Variants in CALN1 observed in about 807,000 individuals in gnomAD.
CALN1 encodes calneuron 1.
In CALN1, 17 loss-of-function variants were observed where a neutral mutation model predicts 30.6. The observed-to-expected ratio is 0.56, with a 90% CI of 0.38 to 0.83. The LOEUF (loss-of-function observed/expected upper bound fraction) is 0.83, where lower values mean the gene tolerates loss of function less well. Among genes scored for constraint, CALN1 ranks in the 40% least tolerant of loss-of-function variants. CALN1 has a pLI of 0.00. For missense variants in CALN1, 291 were observed against 354.9 expected, an observed-to-expected ratio of 0.82 and a Z score of 1.45; for synonymous variants, 156 against 131.4, an observed-to-expected ratio of 1.19 and a Z score of -1.28.
chr7:72,315,017 G>A (rs927234736), intron 2 of CALN1, among the ~76,000 whole-genome samples: 2 of 151,116 alleles, frequency 1.3e-5, no homozygotes, highest in Non-Finnish European at 2.9e-5. Flanking sequence ...TGGACATGAC[G>A]GCACACACCT....
chr7:72,072,803 C>T (rs778600573), intron 4 of CALN1, among the ~76,000 whole-genome samples: 4 of 152,000 alleles, frequency 2.6e-5, no homozygotes, highest in Admixed American at 6.6e-5. Context: ...TTTTTATATG[C>T]TATTGGAGTT....
chr7:72,263,292 A>G (rs2129552953), intron 3 of CALN1, among the ~76,000 whole-genome samples: 1 of 152,328 alleles, frequency 6.6e-6, no homozygotes, highest in Non-Finnish European at 1.5e-5. Flanking sequence ...TATAAAGTAT[A>G]TATTATTATC....
At chr7:72,413,858 A>G (rs1807335171), upstream of CALN1, among the ~76,000 whole-genome samples, 1 of 139,438 alleles carries the variant, frequency 7.2e-6, no homozygotes, top group Admixed American at 6.9e-5. Flanking sequence ...CACATCACAC[A>G]CACTCGTATA....
At position 71,788,491 on chromosome 7, in the gene CALN1, G is replaced by GTT. The variant is rs1298189911; in HGVS notation, c.659-591_659-590dup. Among the ~76,000 whole-genome samples, 614 of 126,802 alleles carry GTT rather than the reference G, an allele frequency of 4.8e-3. 25 individuals are homozygous for GTT. The East Asian group carries it at 0.1, about 21-fold the overall frequency. The allele number at this position is 126,802 out of a possible 152,430, so 83.2% of individuals were successfully genotyped here. A position where few individuals can be genotyped will look rare whatever the true frequency, so the allele number is the denominator to read the frequency against. ...CATTACTAAGAGGTTTTTTTTTGTT[G>GTT]TTTTTTTTTTTTTTTTTAGAGAAAG... On this transcript the variant is annotated intron_variant, in intron 6 of 6. Coordinates refer to ENST00000395275, the MANE Select transcript of CALN1 (RefSeq NM_031468.4).
chr7:72,343,477 G>A (rs985243905), intron 2 of CALN1, among the ~76,000 whole-genome samples: 3 of 151,976 alleles, frequency 2.0e-5, no homozygotes, highest in Admixed American at 2.0e-4. Flanking sequence ...GAACCCAGGA[G>A]GCAGAGGTTG....
At chr7:72,292,820 C>A (rs370065275) in intron 2 of CALN1, among the ~76,000 whole-genome samples, 63 of 112,802 alleles carry the variant, frequency 5.6e-4, no homozygotes, top group Admixed American at 6.6e-4. Flanking sequence ...TACTCTGTCT[C>A]AAAAAAAAAA....
At position 71,822,374 on chromosome 7, in the gene CALN1, G is replaced by A. The variant is rs140429134; in HGVS notation, c.502-11882C>T. On this transcript the variant is annotated intron_variant, in intron 5 of 6. Transcript: ENST00000395275. ...AGTGATTCTCCAGCCTCAGCCTCCC[G>A]AGTAGCTGGGATTACAGGCGTGTGC... 9.6e-4 allele frequency among the ~76,000 whole-genome samples: 146 copies of A among 152,156 alleles called. No individual in the cohort carries two copies. The Middle Eastern group carries it at 0.01, about 11-fold the overall frequency.
intron 3 of CALN1, among the ~76,000 whole-genome samples, chr7:72,170,084 G>T (rs976771010): frequency 2.0e-5 from 3 of 152,140 alleles, no homozygotes; most frequent in African/African-American, 7.2e-5. Flanking sequence ...CTGCAGCCTG[G>T]AACACCTAGG....
At chr7:72,232,184 G>A (rs896959718) in intron 3 of CALN1, among the ~76,000 whole-genome samples, 1 of 152,202 alleles carries the variant, frequency 6.6e-6, no homozygotes, top group African/African-American at 2.4e-5. Context: ...GTAGGAGCAT[G>A]CATCAGCTCC....
chr7:72,101,050 G>C (rs2129540746), intron 4 of CALN1, among the ~76,000 whole-genome samples: 1 of 151,876 alleles, frequency 6.6e-6, no homozygotes, highest in Middle Eastern at 3.4e-3. Context: ...TGCAACCTCT[G>C]CCTCCTGGGT....
intron 4 of CALN1, among the ~76,000 whole-genome samples, chr7:72,097,479 G>T (rs1806315184): frequency 6.6e-6 from 1 of 152,102 alleles, no homozygotes; most frequent in Non-Finnish European, 1.5e-5. Context: ...AGCCCACAGT[G>T]ACTTCAAGAA....
intron 6 of CALN1, among the ~76,000 whole-genome samples, chr7:71,788,446 C>T (rs976313808): frequency 1.4e-5 from 2 of 147,056 alleles, no homozygotes; most frequent in Admixed American, 6.8e-5. Flanking sequence ...ACAGTGGGGT[C>T]GTTGGACAAG....
At position 72,245,950 on chromosome 7, in the gene CALN1, C is replaced by T. The variant is rs560896047; in HGVS notation, c.244+32736G>A. Among the ~76,000 whole-genome samples, 13 of 152,328 alleles carry T rather than the reference C, an allele frequency of 8.5e-5. No individual in the cohort carries two copies. The South Asian group carries it at 2.5e-3, about 29-fold the overall frequency. On this transcript the variant is annotated intron_variant, in intron 3 of 6. Transcript: ENST00000395275. Reference sequence around the variant, plus strand: ...TGGCAGCAATGCTTACACTGCAAGGCGTCCTCCACATTTTTGAATTGAAAA... The same window carrying T: ...TGGCAGCAATGCTTACACTGCAAGGTGTCCTCCACATTTTTGAATTGAAAA...
At chr7:72,437,769 T>C (rs1297388794) in intron 1 of CALN1, among the ~76,000 whole-genome samples, 2 of 139,020 alleles carry the variant, frequency 1.4e-5, no homozygotes, top group Admixed American at 7.2e-5. Flanking sequence ...CTTCCTTCTT[T>C]CTTTCCTTCC....
chr7:72,042,133 C>A (rs1298591639), intron 4 of CALN1, among the ~76,000 whole-genome samples: 1 of 152,090 alleles, frequency 6.6e-6, no homozygotes, highest in Admixed American at 6.6e-5. Flanking sequence ...GGACTGAAGG[C>A]TTTCAGATGG....
At chr7:72,413,651 TCA>T (rs1008002051), upstream of CALN1, among the ~76,000 whole-genome samples, 14 of 151,192 alleles carry the variant, frequency 9.3e-5, no homozygotes, top group East Asian at 2.0e-4. Flanking sequence ...GCATATAAAC[TCA>T]CAGTTATGCA....
intron 3 of CALN1, among the ~76,000 whole-genome samples, chr7:72,181,673 C>T (rs972008057): frequency 2.0e-5 from 3 of 152,056 alleles, no homozygotes; most frequent in Admixed American, 6.6e-5. Flanking sequence ...GTCATGGTTT[C>T]GCCATGTTGG....
intron 3 of CALN1, among the ~76,000 whole-genome samples, chr7:72,237,613 T>C (rs1235872769): frequency 3.3e-5 from 5 of 152,232 alleles, no homozygotes; most frequent in African/African-American, 9.6e-5. Context: ...CATTTCAGGT[T>C]GGCTTTTTAA....
intron 1 of CALN1, among the ~76,000 whole-genome samples, chr7:72,441,371 G>A (rs914670389): frequency 6.6e-6 from 1 of 152,024 alleles, no homozygotes; most frequent in Non-Finnish European, 1.5e-5. Flanking sequence ...GCCCAGATAG[G>A]AGGATCACCT....
Sources: allele counts gnomAD v4.1 joint callset (sites outside exome capture counted in the v4.1 genomes callset), GRCh38; gene constraint gnomAD v4.1.1; transcripts MANE v1.5; gene names NCBI Gene and HGNC (gene_info 2026-07-23, HGNC 2026-07-21).